Variants in L3MBTL4 observed in about 807,000 individuals in gnomAD.
L3MBTL4 encodes L3MBTL histone methyl-lysine binding protein 4.
In L3MBTL4, 70 loss-of-function variants were observed where a neutral mutation model predicts 84.5. The ratio of observed to expected loss-of-function variants is 0.83; its 90% CI spans 0.68 to 1.01. L3MBTL4 has a LOEUF of 1.01. L3MBTL4 is among the 50% of genes least tolerant of loss of function. The pLI is 0.00. For synonymous variants in L3MBTL4, 274 were observed against 259.8 expected (o/e 1.05, Z -0.52); for missense variants, 715 against 754.8 (o/e 0.95, Z 0.62).
At chr18:5,975,865 C>G (rs993504072) in intron 16 of L3MBTL4, among the ~76,000 whole-genome samples, 70 of 152,358 alleles carry the variant, frequency 4.6e-4, no homozygotes, top group African/African-American at 1.6e-3. Context: ...TGGGCATGGC[C>G]TGTCTGCTGC....
intron 16 of L3MBTL4, among the ~76,000 whole-genome samples, chr18:6,036,678 T>C (rs1366892805): frequency 6.6e-6 from 1 of 152,234 alleles, no homozygotes; most frequent in African/African-American, 2.4e-5. Context: ...CTTGTAAGTT[T>C]TGTGATTACT....
chr18:5,971,866 T>A (rs2052658161), intron 16 of L3MBTL4, among the ~76,000 whole-genome samples: 1 of 152,226 alleles, frequency 6.6e-6, no homozygotes, highest in African/African-American at 2.4e-5. Context: ...AGTAGCAAGA[T>A]GGCCTTTAGG....
At position 6,039,149 on chromosome 18, in the gene L3MBTL4, C is replaced by T. The variant is rs1341946944; in HGVS notation, c.1444+41732G>A. ...CAAGAGAAGAGGCCCCAGAATCAAA[C>T]CTACCCTCCCCAAACTGTGATCTTG... is the stretch of plus-strand genomic sequence containing the variant. On this transcript the variant is annotated intron_variant, in intron 16 of 18. Coordinates refer to ENST00000317931, the MANE Select transcript of L3MBTL4 (RefSeq NM_001330559.2). Among the ~76,000 whole-genome samples the T allele has an allele frequency of 5.3e-5, 8 of 152,130 alleles. No homozygotes were observed. The East Asian group carries it at 9.7e-4, about 18-fold the overall frequency.
chr18:6,203,760 T>C (rs997282213), intron 12 of L3MBTL4, among the ~76,000 whole-genome samples: 5 of 152,128 alleles, frequency 3.3e-5, no homozygotes, highest in Admixed American at 3.3e-4. Flanking sequence ...ATTCTGATTC[T>C]GGGAATCTGG....
intron 12 of L3MBTL4, among the ~76,000 whole-genome samples, chr18:6,211,132 T>C (rs1286833913): frequency 6.6e-6 from 1 of 152,254 alleles, no homozygotes; most frequent in Non-Finnish European, 1.5e-5. Flanking sequence ...AGTGCTGGAA[T>C]TTGAACCCAG....
chr18:6,236,358 T>C (rs377211239), intron 10 of L3MBTL4, among the ~76,000 whole-genome samples: 2 of 152,204 alleles, frequency 1.3e-5, no homozygotes, highest in South Asian at 4.1e-4. Context: ...CTTTATGACC[T>C]TAGATTAGGC....
At chr18:6,148,199 C>G (rs370208435) in intron 13 of L3MBTL4, among the ~76,000 whole-genome samples, 2 of 152,174 alleles carry the variant, frequency 1.3e-5, no homozygotes, top group South Asian at 4.1e-4. Context: ...TTAGATATCT[C>G]CCCATTCAAA....
intron 1 of L3MBTL4, among the ~76,000 whole-genome samples, chr18:6,321,054 C>T (rs1043900623): frequency 2.0e-5 from 3 of 152,098 alleles, no homozygotes; most frequent in Admixed American, 6.6e-5. Flanking sequence ...CAGGATCCCT[C>T]TCTCTCGCCT....
At chr18:6,409,524 GA>G (rs1233151440) in intron 1 of L3MBTL4, among the ~76,000 whole-genome samples, 1 of 152,106 alleles carries the variant, frequency 6.6e-6, no homozygotes, top group Non-Finnish European at 1.5e-5. Context: ...CAGACCATCT[GA>G]TCAGGACTGA....
chr18:6,026,986 A>G (rs1376295295), intron 16 of L3MBTL4, among the ~76,000 whole-genome samples: 2 of 152,102 alleles, frequency 1.3e-5, no homozygotes, highest in Non-Finnish European at 2.9e-5. Flanking sequence ...ATTAACTTGC[A>G]CATCCACTCA....
At chr18:6,398,762 G>GCGGGGC (rs1363439247) in intron 1 of L3MBTL4, among the ~76,000 whole-genome samples, 2 of 140,834 alleles carry the variant, frequency 1.4e-5, no homozygotes, top group African/African-American at 5.2e-5. Context: ...GGGGGCGGGG[G>GCGGGGC]AGAAAAAAAA....
chr18:6,412,522 T>C (rs2056010909), intron 1 of L3MBTL4, among the ~76,000 whole-genome samples: 1 of 152,136 alleles, frequency 6.6e-6, no homozygotes, highest in Non-Finnish European at 1.5e-5. Context: ...TGGTGCTTCC[T>C]ACGCAGCCTC....
At chr18:5,983,949 A>G (rs688206) in intron 16 of L3MBTL4, among the ~76,000 whole-genome samples, 1 of 151,926 alleles carries the variant, frequency 6.6e-6, no homozygotes, top group Non-Finnish European at 1.5e-5. Flanking sequence ...TCTTCCTCTA[A>G]CACCCAGGCT....
At chr18:5,970,451 A>G (rs2052586577) in intron 16 of L3MBTL4, among the ~76,000 whole-genome samples, 1 of 152,224 alleles carries the variant, frequency 6.6e-6, no homozygotes, top group Non-Finnish European at 1.5e-5. Context: ...ACATCTCAAC[A>G]TTTAAGGAAA....
intron 12 of L3MBTL4, among the ~76,000 whole-genome samples, chr18:6,201,322 T>C (rs1211290655): frequency 1.3e-5 from 2 of 152,170 alleles, no homozygotes; most frequent in Admixed American, 1.3e-4. Flanking sequence ...GGTTTGGTCA[T>C]GGGAATATCG....
At chr18:6,046,323 C>G (rs1024215091) in intron 16 of L3MBTL4, among the ~76,000 whole-genome samples, 1 of 152,154 alleles carries the variant, frequency 6.6e-6, no homozygotes, top group Non-Finnish European at 1.5e-5. Context: ...CTTTAACATG[C>G]CACTGACAGT....
At chr18:6,176,117 G>A (rs2044215513) in intron 12 of L3MBTL4, among the ~76,000 whole-genome samples, 1 of 152,052 alleles carries the variant, frequency 6.6e-6, no homozygotes, top group Non-Finnish European at 1.5e-5. Context: ...TTATTGATAT[G>A]TCATCTCTTC....
At chr18:6,177,489 T>C (rs1735840636) in intron 12 of L3MBTL4, among the ~76,000 whole-genome samples, 1 of 152,222 alleles carries the variant, frequency 6.6e-6, no homozygotes, top group South Asian at 2.1e-4. Flanking sequence ...AGGAAGCTTC[T>C]GTGTTGTTGG....
chr18:6,195,249 C>G (rs2045322378), intron 12 of L3MBTL4, among the ~76,000 whole-genome samples: 1 of 152,140 alleles, frequency 6.6e-6, no homozygotes, highest in South Asian at 2.1e-4. Context: ...TCTGTCCTGG[C>G]AAACCTACAT....
Sources: gnomAD v4.1 joint callset for allele counts (sites outside exome capture counted in the v4.1 genomes callset) on GRCh38, gnomAD v4.1.1 for gene constraint, MANE v1.5 for transcripts, NCBI Gene and HGNC (gene_info 2026-07-23, HGNC 2026-07-21) for gene names.